DIO2: variants seen among roughly 807,000 people sequenced by gnomAD.
The protein encoded by DIO2 is iodothyronine deiodinase 2.
Under a neutral mutation model 21.4 loss-of-function variants are expected in DIO2, and 19 were observed. The observed-to-expected ratio is 0.89, with a 90% CI of 0.62 to 1.30. The LOEUF (loss-of-function observed/expected upper bound fraction) is 1.30. DIO2 is among the 50% of genes most tolerant of loss of function. The probability of loss-of-function intolerance (pLI) is 0.00; values close to 1 mark genes in which losing one functional copy is unlikely to be tolerated. For missense variants in DIO2, 302 were observed against 338.1 expected, an observed-to-expected ratio of 0.89 and a Z score of 0.84; for synonymous variants, 122 against 132.9, an observed-to-expected ratio of 0.92 and a Z score of 0.57.
At chr14:80,218,757 C>G (rs377469634) in intron 2 of DIO2, among the ~76,000 whole-genome samples, 1 of 152,090 alleles carries the variant, frequency 6.6e-6, no homozygotes, top group African/African-American at 2.4e-5. Flanking sequence ...GTGGGTGGAT[C>G]GCTTGAGGCC....
At chr14:80,208,994 C>T (rs560204463) in intron 1 of DIO2, among the ~76,000 whole-genome samples, 1 of 152,216 alleles carries the variant, frequency 6.6e-6, no homozygotes, top group South Asian at 2.1e-4. Context: ...CTAATCAAAT[C>T]AGTAGGCAGG....
At chr14:80,206,716 TCCC>T (rs1269817983) in intron 1 of DIO2, among the ~76,000 whole-genome samples, 1 of 152,170 alleles carries the variant, frequency 6.6e-6, no homozygotes, top group Non-Finnish European at 1.5e-5. Flanking sequence ...TGTTTTAATT[TCCC>T]ACAGTGGCAC....
At chr14:80,218,746 G>A (rs533767167) in intron 2 of DIO2, among the ~76,000 whole-genome samples, 58 of 152,324 alleles carry the variant, frequency 3.8e-4, no homozygotes, top group Non-Finnish European at 7.3e-5. Flanking sequence ...GGGAGGCCAA[G>A]GTGGGTGGAT....
At chr14:80,210,444 C>T (rs954589459) in intron 1 of DIO2, among the ~76,000 whole-genome samples, 6 of 152,204 alleles carry the variant, frequency 3.9e-5, no homozygotes, top group African/African-American at 1.4e-4. Flanking sequence ...AGGGAGACCA[C>T]TGCTCTAATG....
Position 80,202,724 on chromosome 14 carries a change from T to C in DIO2, c.787A>G (p.Ser263Gly). ...EVRHWLEKNF[S>G]KRUKKTRLAG ...AATCTAGTTTTCTTTCATCTCTTGC[T>C]GAAATTCTTCTCCAGCCAATGCCGG... is the stretch of plus-strand genomic sequence containing the variant. Residue 263 changes from serine (S) to glycine (G), a missense_variant, in exon 2 of 2, where the codon AGC becomes GGC. By Grantham distance (56) the Ser-to-Gly change is moderately conservative. Coordinates refer to ENST00000438257, the MANE Select transcript of DIO2 (RefSeq NM_013989.5). 1.2e-6 allele frequency: 2 copies of C among 1,613,808 alleles called. No individual in the cohort carries two copies. The highest frequency in any genetic ancestry group is 1.7e-6 in the Non-Finnish European group (2 of 1,179,794).
chr14:80,203,009 C>G lies in DIO2; in HGVS notation c.502G>C (p.Asp168His). The change falls in exon 2 of 2, where the codon GAT becomes CAT. Residue 168 changes from aspartate to histidine, a missense_variant. Transcript: ENST00000438257. ...GAGTCCCCCGGTATCGCCCAGCCAT[C>G]TGATGGATGAGCCTCATCAATGTAG... ...LVYIDEAHPS[D>H]GWAIPGDSSL... The G allele has an allele frequency of 6.2e-7, 1 of 1,613,958 alleles. No individual in the cohort carries two copies. Among genetic ancestry groups the G allele is most frequent in the Non-Finnish European group, 8.5e-7 (1 of 1,179,892 alleles).
At chr14:80,230,151 G>A (rs1288569648) in intron 2 of DIO2, among the ~76,000 whole-genome samples, 23 of 152,078 alleles carry the variant, frequency 1.5e-4, no homozygotes, top group Admixed American at 1.5e-3. Flanking sequence ...GGCCACTACT[G>A]GGAATGGGGA....
At chr14:80,223,733 T>C (rs1888514313) in intron 2 of DIO2, among the ~76,000 whole-genome samples, 1 of 152,252 alleles carries the variant, frequency 6.6e-6, no homozygotes, top group African/African-American at 2.4e-5. Context: ...AAGGCTATCA[T>C]TCTTAAGGGA....
At chr14:80,210,406 C>T (rs958640653) in intron 1 of DIO2, among the ~76,000 whole-genome samples, 1 of 152,178 alleles carries the variant, frequency 6.6e-6, no homozygotes, top group Non-Finnish European at 1.5e-5. Flanking sequence ...TTTGAGAGAG[C>T]AGCCCCTGGG....
intron 2 of DIO2, among the ~76,000 whole-genome samples, chr14:80,220,787 A>C (rs1315728871): frequency 6.6e-6 from 1 of 152,174 alleles, no homozygotes; most frequent in Non-Finnish European, 1.5e-5. Context: ...CTCTCATGAC[A>C]AGTCACCTGA....
At chr14:80,212,649 C>G (rs892915160), upstream of DIO2, among the ~76,000 whole-genome samples, 2 of 152,006 alleles carry the variant, frequency 1.3e-5, no homozygotes, top group Non-Finnish European at 2.9e-5. Flanking sequence ...ACCTTTATAC[C>G]ATGACTCCAA....
At chr14:80,205,367 G>T (rs542523855) in intron 1 of DIO2, among the ~76,000 whole-genome samples, 1 of 152,254 alleles carries the variant, frequency 6.6e-6, no homozygotes, top group East Asian at 1.9e-4. Context: ...TTAGTCCGTT[G>T]TAGGGACTTC....
At position 80,200,429 on chromosome 14, in the gene DIO2, C is replaced by G. The variant is rs956499213; in HGVS notation, c.*2260G>C. The stretch of plus-strand genomic sequence containing the variant: ...ACTGCCTCAGCCTAATCTCATCCCC[C>G]CACCGGCTTATCTGACATACTGTTA... On this transcript the variant is annotated 3_prime_UTR_variant, in exon 2 of 2. Transcript: ENST00000438257. 7.2e-5 allele frequency: 11 copies of G among 152,568 alleles called. No individual in the cohort carries two copies. The highest frequency in any genetic ancestry group is 2.1e-4 in the South Asian group (1 of 4,820). The allele number at this position is 152,568 out of a possible 1,614,324, so 9.5% of individuals were successfully genotyped here. A position where few individuals can be genotyped will look rare whatever the true frequency, so the allele number is the denominator to read the frequency against.
chr14:80,210,376 C>T (rs1343307689), intron 1 of DIO2, among the ~76,000 whole-genome samples: 1 of 152,126 alleles, frequency 6.6e-6, no homozygotes, highest in Admixed American at 6.5e-5. Context: ...CACTTAGAAA[C>T]TAAGATCACT....
At chr14:80,223,701 A>G (rs895026630) in intron 2 of DIO2, among the ~76,000 whole-genome samples, 14 of 152,240 alleles carry the variant, frequency 9.2e-5, no homozygotes, top group Admixed American at 7.9e-4. Flanking sequence ...CTCTGAGGGA[A>G]CAGCATATCT....
rs1462718225 is a variant in DIO2, at chr14:80,201,729, CA to C, written c.*959del. On this transcript the variant is annotated 3_prime_UTR_variant, in exon 2 of 2. Coordinates refer to ENST00000438257, the MANE Select transcript of DIO2 (RefSeq NM_013989.5). ...TACATGGTTCAAAAGTAATTATTTC[CA>C]AAAGAAACCCCTCACAATTACAAAT... 1.3e-5 allele frequency: 2 copies of C among 152,104 alleles called. No homozygotes were observed. Among genetic ancestry groups the C allele is most frequent in the African/African-American group, 4.8e-5 (2 of 41,388 alleles). 9.4% of individuals were successfully genotyped at this position (152,104 alleles called of 1,614,324 possible).
chr14:80,200,510 T>G lies in DIO2; in HGVS notation c.*2179A>C, dbSNP rs575575218. On this transcript the variant is annotated 3_prime_UTR_variant, in exon 2 of 2. Transcript: ENST00000438257. ...TTTAAGGACAACAGTGTGAATGTGC[T>G]GCAACCAGGTTTTTTATTTTACTGC... 1 of 152,500 alleles carries G rather than the reference T, an allele frequency of 6.6e-6. No homozygotes were observed. The highest frequency in any genetic ancestry group is 2.4e-5 in the African/African-American group (1 of 41,576). The allele number at this position is 152,500 out of a possible 1,614,324, so 9.4% of individuals were successfully genotyped here.
intron 2 of DIO2, among the ~76,000 whole-genome samples, chr14:80,225,278 C>T (rs1356756937): frequency 6.6e-6 from 1 of 152,156 alleles, no homozygotes; most frequent in Non-Finnish European, 1.5e-5. Flanking sequence ...AACCCATATA[C>T]ATCTCCTGAG....
At chr14:80,206,372 G>A in intron 1 of DIO2, 1 of 1,203,738 alleles carries the variant, frequency 8.3e-7, no homozygotes, top group Non-Finnish European at 1.2e-6. Context: ...TTTTAGATAT[G>A]GAAGTTTCCT....
Sources: allele counts gnomAD v4.1 joint callset (sites outside exome capture counted in the v4.1 genomes callset), GRCh38; gene constraint gnomAD v4.1.1; transcripts MANE v1.5; gene names NCBI Gene and HGNC (gene_info 2026-07-23, HGNC 2026-07-21).